SH3BGRL: variants seen among roughly 807,000 people sequenced by gnomAD.
SH3BGRL encodes SH3 domain binding glutamate rich protein like.
A neutral mutation model predicts 9.8 loss-of-function variants in SH3BGRL; 7 were observed. The observed-to-expected ratio is 0.72, with a 90% CI of 0.41 to 1.35. SH3BGRL has a LOEUF of 1.35. SH3BGRL is among the 40% of genes most tolerant of loss of function. The pLI is 0.01. For missense variants in SH3BGRL, 73 were observed against 84.4 expected (o/e 0.86, Z 0.53); for synonymous variants, 36 against 29.1 (o/e 1.24, Z -0.76).
chrX:81,253,685 A>G (rs1207189608), intron 1 of SH3BGRL, among the ~76,000 whole-genome samples: 2 of 112,486 alleles, frequency 1.8e-5, no homozygotes, highest in African/African-American at 6.5e-5. Flanking sequence ...CTGTAAGACA[A>G]GAGCTGGACA....
chrX:81,225,084 C>A (rs2075612637), intron 1 of SH3BGRL, among the ~76,000 whole-genome samples: 1 of 110,958 alleles, frequency 9.0e-6, no homozygotes, highest in Non-Finnish European at 1.9e-5. Context: ...TCACTCAATA[C>A]TCAGGCCTTC....
chrX:81,209,846 A>C (rs954397053), intron 1 of SH3BGRL, among the ~76,000 whole-genome samples: 5 of 111,603 alleles, frequency 4.5e-5, no homozygotes, highest in Admixed American at 1.9e-4. Context: ...AAATGAATTC[A>C]TCGAGGGCAC....
At chrX:81,231,236 G>C (rs1437789852) in intron 1 of SH3BGRL, among the ~76,000 whole-genome samples, 1 of 112,340 alleles carries the variant, frequency 8.9e-6, no homozygotes, top group Non-Finnish European at 1.9e-5. Context: ...CATTTCATCA[G>C]ACGCATGTCT....
chrX:81,282,750 G>T (rs1028756937), intron 3 of SH3BGRL, among the ~76,000 whole-genome samples: 1 of 110,468 alleles, frequency 9.1e-6, no homozygotes, highest in East Asian at 2.8e-4. Flanking sequence ...ACAATCTAAG[G>T]TCACACTTCA....
At chrX:81,273,834 A>G (rs2075789061) in intron 1 of SH3BGRL, among the ~76,000 whole-genome samples, 2 of 111,080 alleles carry the variant, frequency 1.8e-5, no homozygotes, top group South Asian at 7.7e-4. Flanking sequence ...AGCATGACAG[A>G]AAGGGAGCTT....
intron 1 of SH3BGRL, among the ~76,000 whole-genome samples, chrX:81,243,927 G>A (rs1036279971): frequency 1.8e-5 from 2 of 111,207 alleles, no homozygotes; most frequent in Non-Finnish European, 3.8e-5. Flanking sequence ...AACGAAATTT[G>A]ACTCAGAGTC....
chrX:81,243,068 C>G (rs2075676312), intron 1 of SH3BGRL, among the ~76,000 whole-genome samples: 1 of 112,128 alleles, frequency 8.9e-6, no homozygotes, highest in Non-Finnish European at 1.9e-5. Flanking sequence ...ATCAGTATAT[C>G]AAAGAGGTAT....
At chrX:81,228,462 C>G (rs992964187) in intron 1 of SH3BGRL, among the ~76,000 whole-genome samples, 1 of 111,787 alleles carries the variant, frequency 8.9e-6, no homozygotes, top group African/African-American at 3.3e-5. Context: ...GTTGTAGAGA[C>G]CAAAGTTTTC....
At chrX:81,292,586 T>C (rs2075861652) in intron 3 of SH3BGRL, among the ~76,000 whole-genome samples, 1 of 112,878 alleles carries the variant, frequency 8.9e-6, no homozygotes, top group Non-Finnish European at 1.9e-5. Context: ...CCTTTACTTA[T>C]GCAAATTTCT....
At chrX:81,236,121 T>A (rs775642145) in intron 1 of SH3BGRL, among the ~76,000 whole-genome samples, 1 of 111,579 alleles carries the variant, frequency 9.0e-6, no homozygotes, top group East Asian at 2.8e-4. Flanking sequence ...ATGCAAAACT[T>A]CAGTGTGTAT....
At chrX:81,202,322 A>G in intron 1 of SH3BGRL, 77 bp downstream of exon 1, 2 of 1,055,333 alleles carry the variant, frequency 1.9e-6, no homozygotes, top group African/African-American at 3.8e-5. Flanking sequence ...ATTAAAATGC[A>G]GAAGTTCCTC....
At chrX:81,281,766 AAAC>A (rs752137238) in intron 3 of SH3BGRL, among the ~76,000 whole-genome samples, 43 of 112,257 alleles carry the variant, frequency 3.8e-4, no homozygotes, top group African/African-American at 1.1e-3. Context: ...CAAAAGCAAA[AAAC>A]AACAATGAAA....
intron 1 of SH3BGRL, among the ~76,000 whole-genome samples, chrX:81,270,312 A>C (rs1159360395): frequency 1.8e-5 from 2 of 110,383 alleles, no homozygotes; most frequent in African/African-American, 6.6e-5. Flanking sequence ...GGTTTTTGCA[A>C]TTTTCCACCT....
At chrX:81,212,189 G>A (rs911324133) in intron 1 of SH3BGRL, among the ~76,000 whole-genome samples, 5 of 110,194 alleles carry the variant, frequency 4.5e-5, no homozygotes, top group East Asian at 2.8e-4. Flanking sequence ...GAGGCTAGGC[G>A]TTTGAGACCA....
intron 1 of SH3BGRL, among the ~76,000 whole-genome samples, chrX:81,238,793 A>AGAGAGAGG (rs1491309166): frequency 4.1e-5 from 2 of 48,447 alleles, no homozygotes; most frequent in East Asian, 6.2e-3. Flanking sequence ...AGTGCAGAAC[A>AGAGAGAGG]GAGAGAGAGA....
intron 1 of SH3BGRL, among the ~76,000 whole-genome samples, chrX:81,246,941 G>A (rs1436863012): frequency 8.9e-6 from 1 of 111,980 alleles, no homozygotes; most frequent in African/African-American, 3.2e-5. Context: ...CAAATCATTA[G>A]CATATAAAGT....
At chrX:81,285,735 T>C (rs1387835998) in intron 3 of SH3BGRL, among the ~76,000 whole-genome samples, 1 of 111,607 alleles carries the variant, frequency 9.0e-6, no homozygotes, top group Non-Finnish European at 1.9e-5. Context: ...CAAAAATAGT[T>C]TATCTACTGA....
intron 3 of SH3BGRL, among the ~76,000 whole-genome samples, chrX:81,288,524 G>C (rs1401562471): frequency 8.9e-6 from 1 of 111,888 alleles, no homozygotes; most frequent in Non-Finnish European, 1.9e-5. Flanking sequence ...ATATAATGTT[G>C]AATTCAAAGA....
At chrX:81,268,139 A>C (rs2075764162) in intron 1 of SH3BGRL, among the ~76,000 whole-genome samples, 1 of 109,971 alleles carries the variant, frequency 9.1e-6, no homozygotes, top group African/African-American at 3.3e-5. Flanking sequence ...GGGTCTATCT[A>C]TTTTGTTGAT....
Sources: gnomAD v4.1 joint callset for allele counts (sites outside exome capture counted in the v4.1 genomes callset) on GRCh38, gnomAD v4.1.1 for gene constraint, MANE v1.5 for transcripts, NCBI Gene and HGNC (gene_info 2026-07-23, HGNC 2026-07-21) for gene names.